C17orf67: variants seen among roughly 807,000 people sequenced by gnomAD.
C17orf67 encodes the protein uncharacterized protein C17orf67.
In C17orf67, 12 loss-of-function variants were observed where a neutral mutation model predicts 11.2. The ratio of observed to expected loss-of-function variants is 1.07; its 90% CI spans 0.68 to 1.73. The LOEUF (loss-of-function observed/expected upper bound fraction) is 1.73. Among genes scored for constraint, C17orf67 ranks in the 40% most tolerant of loss-of-function variants. C17orf67 has a pLI of 0.00. For synonymous variants in C17orf67, 59 were observed against 46.9 expected, an observed-to-expected ratio of 1.26 and a Z score of -1.05; for missense variants, 115 against 113.5, an observed-to-expected ratio of 1.01 and a Z score of -0.06.
chr17:56,796,927 AC>A (rs1363961897), intron 6 of C17orf67, among the ~76,000 whole-genome samples: 4 of 151,434 alleles, frequency 2.6e-5, no homozygotes, highest in South Asian at 4.2e-4. Context: ...AGTGCTGTCT[AC>A]CTGCAAGGAG....
At chr17:56,826,861 T>C (rs993219556) in intron 2 of C17orf67, among the ~76,000 whole-genome samples, 5 of 152,286 alleles carry the variant, frequency 3.3e-5, no homozygotes, top group Admixed American at 2.6e-4. Flanking sequence ...ATCTGTAAAA[T>C]GGGGATCATA....
At chr17:56,811,969 C>T (rs186632288) in intron 6 of C17orf67, among the ~76,000 whole-genome samples, 4 of 152,200 alleles carry the variant, frequency 2.6e-5, no homozygotes, top group Admixed American at 6.5e-5. Flanking sequence ...GGGCTTTGGC[C>T]CCATCCCCCA....
chr17:56,831,776 G>A (rs2094630210), intron 2 of C17orf67, among the ~76,000 whole-genome samples: 3 of 152,142 alleles, frequency 2.0e-5, no homozygotes, highest in Admixed American at 1.3e-4. Flanking sequence ...CACGTGCCAT[G>A]TACATACGTA....
At chr17:56,829,370 A>G (rs914440429) in intron 2 of C17orf67, among the ~76,000 whole-genome samples, 4 of 152,120 alleles carry the variant, frequency 2.6e-5, no homozygotes, top group Non-Finnish European at 5.9e-5. Flanking sequence ...AGAGATCCAG[A>G]CTCTCTAAGC....
In C17orf67 at chr17:56,816,023, A is replaced by G; in HGVS notation, c.-200-13T>C. On this transcript the variant is annotated splice_polypyrimidine_tract_variant and intron_variant, in intron 4 of 7. Transcript: ENST00000397861. The stretch of plus-strand genomic sequence containing the variant: ...GTAAATTTTCATCCTGAGGAAGGAA[A>G]TTGTTCCTCTGTAATATGACTTTCA... The G allele has an allele frequency of 1.1e-6, 1 of 940,406 alleles. No individual in the cohort carries two copies. Among genetic ancestry groups the G allele is most frequent in the Admixed American group, 2.7e-5 (1 of 37,136 alleles). 58.3% of individuals were successfully genotyped at this position (940,406 alleles called of 1,614,324 possible). A position where few individuals can be genotyped will look rare whatever the true frequency, so the allele number is the denominator to read the frequency against.
At chr17:56,812,414 G>A (rs1905652674) in intron 6 of C17orf67, among the ~76,000 whole-genome samples, 2 of 152,222 alleles carry the variant, frequency 1.3e-5, no homozygotes, top group African/African-American at 4.8e-5. Context: ...TGTCCCTGGG[G>A]ATGAGGGGGC....
intron 4 of C17orf67, among the ~76,000 whole-genome samples, chr17:56,819,285 C>T (rs1418277516): frequency 1.3e-5 from 2 of 152,132 alleles, no homozygotes; most frequent in Admixed American, 6.6e-5. Context: ...TCTATCTCAT[C>T]CTTCAGGTTT....
At chr17:56,833,583 C>T (rs1906323390) in intron 1 of C17orf67, 35 bp downstream of exon 1, 1 of 151,344 alleles carries the variant, frequency 6.6e-6, no homozygotes, top group Admixed American at 6.6e-5. Flanking sequence ...GCGGAGGAGC[C>T]CTCAGGTTTG....
chr17:56,792,242 C>T lies in C17orf67; in HGVS notation c.*131G>A, dbSNP rs906868562. 1 of 152,190 alleles carries T rather than the reference C, an allele frequency of 6.6e-6. No individual in the cohort carries two copies. The highest frequency in any genetic ancestry group is 1.5e-5 in the Non-Finnish European group (1 of 68,044). 9.4% of individuals were successfully genotyped at this position (152,190 alleles called of 1,614,324 possible). The stretch of plus-strand genomic sequence containing the variant: ...ATTTCCAAGGCAATCTTTGATATGC[C>T]CACAGTTCACGAGGTCTGAAGACAT... On this transcript the variant is annotated 3_prime_UTR_variant, in exon 8 of 8. Transcript: ENST00000397861.
chr17:56,793,244 G>A lies in C17orf67; in HGVS notation c.*21-892C>T, dbSNP rs566155391. ...TACAAATGAGGAAATTATTCAATTA[G>A]GCATTTTTTTCTAAGGTTATTCAGC... On this transcript the variant is annotated intron_variant, in intron 7 of 7. Coordinates refer to ENST00000397861, the MANE Select transcript of C17orf67 (RefSeq NM_001085430.4). 5.0e-4 allele frequency among the ~76,000 whole-genome samples: 76 copies of A among 152,164 alleles called. 1 individual carries two copies. The highest frequency in any genetic ancestry group is 9.0e-4 in the Non-Finnish European group (61 of 68,000).
intron 2 of C17orf67, among the ~76,000 whole-genome samples, chr17:56,829,324 A>G (rs1266749181): frequency 6.6e-6 from 1 of 152,192 alleles, no homozygotes; most frequent in Non-Finnish European, 1.5e-5. Flanking sequence ...CAAGAACTCA[A>G]AGAAGAGAGG....
chr17:56,815,874 G>A lies in C17orf67; in HGVS notation c.-64C>T. 3 of 1,609,896 alleles carry A rather than the reference G, an allele frequency of 1.9e-6. No homozygotes were observed. The highest frequency in any genetic ancestry group is 2.5e-6 in the Non-Finnish European group (3 of 1,177,672). ...CCCAGACTGAGTCAGCCAACTTGAA[G>A]GAAGCCATGCCAGGCCCTGCGCTTG... is the stretch of plus-strand genomic sequence containing the variant. On this transcript the variant is annotated 5_prime_UTR_variant, in exon 5 of 8. Transcript: ENST00000397861.
At chr17:56,802,601 C>G (rs1365234465) in intron 6 of C17orf67, among the ~76,000 whole-genome samples, 1 of 152,216 alleles carries the variant, frequency 6.6e-6, no homozygotes, top group African/African-American at 2.4e-5. Flanking sequence ...CTTCAGGTAC[C>G]CAGTCTCCTG....
intron 4 of C17orf67, among the ~76,000 whole-genome samples, chr17:56,820,767 C>CA (rs1905882473): frequency 8.2e-6 from 1 of 122,512 alleles, no homozygotes; most frequent in Non-Finnish European, 1.7e-5. Context: ...GTGAGTTTCC[C>CA]TTTTTTTTTT....
rs567652244 is a variant in C17orf67, at chr17:56,808,903, A to G, written c.156+5966T>C. 7.9e-5 allele frequency among the ~76,000 whole-genome samples: 12 copies of G among 151,990 alleles called. No homozygotes were observed. The South Asian group carries it at 2.5e-3, about 32-fold the overall frequency. On this transcript the variant is annotated intron_variant, in intron 6 of 7. Coordinates refer to ENST00000397861, the MANE Select transcript of C17orf67 (RefSeq NM_001085430.4). The stretch of plus-strand genomic sequence containing the variant: ...TTCTTAACACCTCCCCTAAAGCACC[A>G]TTTGTTTACCCTCATCAATGGCCTC...
In C17orf67 at chr17:56,824,726, T is replaced by C. The variant is rs1905984061; in HGVS notation, c.-201+13A>G. The C allele has an allele frequency of 6.6e-6, 1 of 152,278 alleles. No individual in the cohort carries two copies. Among genetic ancestry groups the C allele is most frequent in the African/African-American group, 2.4e-5 (1 of 41,458 alleles). 9.4% of individuals were successfully genotyped at this position (152,278 alleles called of 1,614,324 possible). ...GAATCCAGACTCTGTCCCAAAGACATTGCTCAACTTACCTCCTGCTGGGAA... is the reference window on the plus strand; with the variant it reads ...GAATCCAGACTCTGTCCCAAAGACACTGCTCAACTTACCTCCTGCTGGGAA... On this transcript the variant is annotated intron_variant, in intron 4 of 7. Transcript: ENST00000397861.
chr17:56,815,776 G>A lies in C17orf67; in HGVS notation c.35C>T (p.Thr12Ile). ...KTLPVLVLSL[T>I]LLTVFSETSP... is the part of the protein sequence containing the mutation. ...CCCACCTGAGAAGACAGTCAGTAAG[G>A]TAAGAGACAGCACGAGCACAGGCAA... The change falls in exon 5 of 8, where the codon ACC (threonine) becomes ATC (isoleucine). Residue 12 changes from threonine to isoleucine, a missense_variant. Physicochemically the swap from Thr to Ile is moderately conservative, Grantham distance 89 (BLOSUM62 -1). Coordinates refer to ENST00000397861, the MANE Select transcript of C17orf67 (RefSeq NM_001085430.4). The A allele has an allele frequency of 1.2e-6, 2 of 1,613,672 alleles. No individual in the cohort carries two copies. The highest frequency in any genetic ancestry group is 1.7e-6 in the Non-Finnish European group (2 of 1,179,728).
At chr17:56,809,432 G>C (rs1161994719) in intron 6 of C17orf67, among the ~76,000 whole-genome samples, 1 of 151,924 alleles carries the variant, frequency 6.6e-6, no homozygotes, top group Admixed American at 6.6e-5. Context: ...AAGTAGAAGA[G>C]GGGGCTGGAA....
At chr17:56,795,603 T>G (rs1343304694) in intron 6 of C17orf67, among the ~76,000 whole-genome samples, 1 of 152,226 alleles carries the variant, frequency 6.6e-6, no homozygotes, top group African/African-American at 2.4e-5. Context: ...TGGGTGGGAC[T>G]TGAGAAGTTG....
Sources: allele counts gnomAD v4.1 joint callset (sites outside exome capture counted in the v4.1 genomes callset), GRCh38; gene constraint gnomAD v4.1.1; transcripts MANE v1.5; gene names NCBI Gene and HGNC (gene_info 2026-07-23, HGNC 2026-07-21).